SHANK2: variants seen among roughly 807,000 people sequenced by gnomAD.
SHANK2 encodes the protein SH3 and multiple ankyrin repeat domains protein 2.
Under a neutral mutation model 133.7 loss-of-function variants are expected in SHANK2, and 43 were observed. The observed-to-expected ratio is 0.32, with a 90% confidence interval of 0.25 to 0.41. The LOEUF is 0.41. Ranked by LOEUF, SHANK2 falls within the 10% of genes least tolerant of loss-of-function variation. The pLI, the probability that SHANK2 is intolerant of heterozygous loss-of-function variation, is 1.00. For missense variants in SHANK2, 1,994 were observed against 2,235.8 expected, an observed-to-expected ratio of 0.89 and a Z score of 2.18; for synonymous variants, 1,017 against 952.8, an observed-to-expected ratio of 1.07 and a Z score of -1.24.
chr11:70,558,487 G>A (rs951863805), intron 17 of SHANK2, among the ~76,000 whole-genome samples: 4 of 152,252 alleles, frequency 2.6e-5, no homozygotes, highest in Admixed American at 2.0e-4. Flanking sequence ...AGCCTGCCAG[G>A]GTTCCAAGCC....
intron 2 of SHANK2, among the ~76,000 whole-genome samples, chr11:71,179,467 A>C (rs1191746064): frequency 1.3e-5 from 2 of 152,240 alleles, no homozygotes; most frequent in African/African-American, 4.8e-5. Context: ...TCTCAGCCTG[A>C]GAAAAGGCAT....
At chr11:70,619,736 C>T (rs958876919) in intron 17 of SHANK2, among the ~76,000 whole-genome samples, 16 of 152,150 alleles carry the variant, frequency 1.1e-4, no homozygotes, top group African/African-American at 2.4e-4. Context: ...CCCCATCTCC[C>T]TCATTCTCTT....
chr11:71,060,304 C>T, intron 9 of SHANK2, among the ~76,000 whole-genome samples: 1 of 152,336 alleles, frequency 6.6e-6, no homozygotes, highest in Non-Finnish European at 1.5e-5. Flanking sequence ...AAGCTGAGGT[C>T]AACAACCCCT....
chr11:71,173,300 A>G (rs1953356498), intron 2 of SHANK2, among the ~76,000 whole-genome samples: 1 of 152,212 alleles, frequency 6.6e-6, no homozygotes, highest in African/African-American at 2.4e-5. Flanking sequence ...GGCTGGGATC[A>G]CTGCTGGAAG....
intron 11 of SHANK2, among the ~76,000 whole-genome samples, chr11:70,841,858 C>T (rs1209982793): frequency 5.3e-5 from 8 of 152,184 alleles, no homozygotes; most frequent in Non-Finnish European, 1.0e-4. Flanking sequence ...CGTGTCTGCT[C>T]GTCAGCTCCC....
At chr11:71,151,838 A>G (rs1952803907) in intron 2 of SHANK2, among the ~76,000 whole-genome samples, 1 of 152,072 alleles carries the variant, frequency 6.6e-6, no homozygotes, top group African/African-American at 2.4e-5. Context: ...ATGTGTAGGA[A>G]GCCCCCCCTC....
chr11:70,702,367 TCACCACCAACAC>T (rs1555023949), intron 14 of SHANK2, among the ~76,000 whole-genome samples: 1 of 148,080 alleles, frequency 6.8e-6, no homozygotes. Flanking sequence ...ATCACCATCA[TCACCACCAACAC>T]CACCACCATC....
intron 11 of SHANK2, among the ~76,000 whole-genome samples, chr11:70,876,953 C>A (rs1176270063): frequency 1.3e-5 from 2 of 152,174 alleles, no homozygotes; most frequent in Non-Finnish European, 2.9e-5. Flanking sequence ...ACCACCTGGA[C>A]CTTGGAGAAT....
chr11:70,578,954 A>G (rs1257988689), intron 17 of SHANK2, among the ~76,000 whole-genome samples: 4 of 152,150 alleles, frequency 2.6e-5, no homozygotes, highest in African/African-American at 9.7e-5. Context: ...CACACACCTC[A>G]GCACCAGCCG....
intron 17 of SHANK2, among the ~76,000 whole-genome samples, chr11:70,592,721 C>A (rs1017683348): frequency 6.6e-6 from 1 of 152,192 alleles, no homozygotes; most frequent in African/African-American, 2.4e-5. Context: ...TTCGGCCCAT[C>A]ATCTAAGCAA....
intron 17 of SHANK2, among the ~76,000 whole-genome samples, chr11:70,584,677 C>T (rs906823856): frequency 6.6e-6 from 1 of 152,186 alleles, no homozygotes. Context: ...CATTTCCCCC[C>T]TCTCCCTCTG....
intron 2 of SHANK2, among the ~76,000 whole-genome samples, chr11:71,160,365 T>C (rs1197402893): frequency 6.6e-6 from 1 of 152,140 alleles, no homozygotes; most frequent in Non-Finnish European, 1.5e-5. Flanking sequence ...TATTTGGAGG[T>C]AGGACCTTTA....
At chr11:70,634,766 C>G (rs1427082260) in intron 17 of SHANK2, 2 of 152,198 alleles carry the variant, frequency 1.3e-5, no homozygotes, top group African/African-American at 2.4e-5. Context: ...GAGGCTGAGG[C>G]AGAAGAATTG....
intron 17 of SHANK2, among the ~76,000 whole-genome samples, chr11:70,601,860 G>T (rs188160587): frequency 1.3e-5 from 2 of 152,350 alleles, no homozygotes; most frequent in Admixed American, 6.5e-5. Flanking sequence ...ATTGACAAAA[G>T]CTGCCAGGTC....
At chr11:70,790,409 G>A (rs1453593174) in intron 14 of SHANK2, among the ~76,000 whole-genome samples, 2 of 152,222 alleles carry the variant, frequency 1.3e-5, no homozygotes, top group African/African-American at 2.4e-5. Flanking sequence ...TAGCCTAGGT[G>A]TTGCTGGGAG....
At chr11:70,620,964 A>G (rs782342042) in intron 17 of SHANK2, among the ~76,000 whole-genome samples, 19 of 152,320 alleles carry the variant, frequency 1.2e-4, no homozygotes, top group Non-Finnish European at 2.5e-4. Flanking sequence ...CCCAAACTGA[A>G]TAAGACATGT....
At chr11:70,766,389 G>A (rs563681443) in intron 14 of SHANK2, among the ~76,000 whole-genome samples, 54 of 152,302 alleles carry the variant, frequency 3.5e-4, no homozygotes, top group African/African-American at 1.3e-3. Flanking sequence ...TGTGGCTGAT[G>A]GGACTCTGAA....
At chr11:70,780,775 T>C (rs1947466091) in intron 14 of SHANK2, among the ~76,000 whole-genome samples, 1 of 152,128 alleles carries the variant, frequency 6.6e-6, no homozygotes, top group African/African-American at 2.4e-5. Context: ...GGATTCACCA[T>C]GTTGGTCACG....
chr11:71,214,973 C>T (rs530664507), intron 2 of SHANK2, among the ~76,000 whole-genome samples: 28 of 152,298 alleles, frequency 1.8e-4, no homozygotes, highest in South Asian at 6.2e-4. Context: ...AATAGGGCTG[C>T]GTGGCGGTTT....
Sources: gnomAD v4.1 joint callset for allele counts (sites outside exome capture counted in the v4.1 genomes callset) on GRCh38, gnomAD v4.1.1 for gene constraint, MANE v1.5 for transcripts, NCBI Gene and HGNC (gene_info 2026-07-23, HGNC 2026-07-21) for gene names.